ZDHHC23: variants seen among roughly 807,000 people sequenced by gnomAD.
ZDHHC23 encodes the protein palmitoyltransferase ZDHHC23.
In ZDHHC23, 41 loss-of-function variants were observed where a neutral mutation model predicts 40.2. That is an observed-to-expected ratio of 1.02 (90% confidence interval 0.79 to 1.32). ZDHHC23 has a LOEUF of 1.32. ZDHHC23 is among the 40% of genes most tolerant of loss of function. ZDHHC23 has a pLI of 0.00. For missense variants in ZDHHC23, 471 were observed against 541.5 expected (o/e 0.87, Z 1.29); for synonymous variants, 204 against 210.2 (o/e 0.97, Z 0.26).
intron 4 of ZDHHC23, among the ~76,000 whole-genome samples, chr3:113,957,016 ACTTT>A (rs1334397612): frequency 1.3e-5 from 2 of 151,600 alleles, no homozygotes; most frequent in Non-Finnish European, 2.9e-5. Context: ...TTCCTGTTCT[ACTTT>A]CTTTCTTTTT....
chr3:113,971,466 G>A, the ZDHHC23 span, among the ~76,000 whole-genome samples: 1 of 152,146 alleles, frequency 6.6e-6, no homozygotes, highest in Admixed American at 6.6e-5. Flanking sequence ...TTCTGTTAAT[G>A]TGATGTATCA....
the ZDHHC23 span, chr3:113,978,742 T>G: frequency 3.7e-6 from 4 of 1,068,092 alleles, no homozygotes; most frequent in African/African-American, 6.4e-5. Context: ...TGGGATTGAC[T>G]ACTCTTTTGT....
In ZDHHC23 at chr3:113,948,963, G is replaced by A. The variant is rs752767557; in HGVS notation, c.161G>A (p.Arg54Gln). Reference protein sequence around the residue: ...DCQDLDEGCDRWITCKSLQPE... With the variant: ...DCQDLDEGCDQWITCKSLQPE... ...CAAGATCTGGATGAAGGGTGTGATC[G>A]GTAAGAACAGAGCATTTCTTGACGC... The change falls in exon 2 of 5, where the codon CGA becomes CAA. Residue 54 changes from arginine (R) to glutamine (Q), a missense_variant and splice_region_variant. By Grantham distance (43) the Arg-to-Gln change is conservative. Transcript: ENST00000638807. 49 of 1,613,932 alleles carry A rather than the reference G, an allele frequency of 3.0e-5. No individual in the cohort carries two copies. In the South Asian group the frequency reaches 4.7e-4, roughly 16 times the overall value.
chr3:113,973,181 T>G, the ZDHHC23 span, among the ~76,000 whole-genome samples: 1 of 152,332 alleles, frequency 6.6e-6, no homozygotes, highest in African/African-American at 2.4e-5. Context: ...GTAGTATGTT[T>G]TAATTTCTTG....
chr3:113,959,458 G>C lies in ZDHHC23; in HGVS notation c.*828G>C. On this transcript the variant is annotated 3_prime_UTR_variant, in exon 5 of 5. Coordinates refer to ENST00000638807, the MANE Select transcript of ZDHHC23 (RefSeq NM_001320466.2). The stretch of plus-strand genomic sequence containing the variant: ...TATTTATATTTTATAAATTCTGCTT[G>C]GGTTTCTTATAAATAACTCCAACAG... 1.6e-6 allele frequency: 2 copies of C among 1,255,780 alleles called. 1 individual carries two copies. The highest frequency in any genetic ancestry group is 2.6e-5 in the South Asian group (2 of 78,174). 77.8% of individuals were successfully genotyped at this position (1,255,780 alleles called of 1,614,324 possible).
At position 113,948,948 on chromosome 3, in the gene ZDHHC23, A is replaced by G. The variant is rs1249710155; in HGVS notation, c.146A>G (p.Asp49Gly). The G allele has an allele frequency of 6.2e-7, 1 of 1,614,208 alleles. No individual in the cohort carries two copies. The highest frequency in any genetic ancestry group is 2.2e-5 in the East Asian group (1 of 44,892). Residue 49 changes from aspartate to glycine, a missense_variant, in exon 2 of 5, where the codon GAT becomes GGT. Physicochemically the swap from Asp to Gly is moderately conservative, Grantham distance 94 (BLOSUM62 -1). Coordinates refer to ENST00000638807, the MANE Select transcript of ZDHHC23 (RefSeq NM_001320466.2). Reference sequence around the variant, plus strand: ...TGTTTGTGTGATTGTCAAGATCTGGATGAAGGGTGTGATCGGTAAGAACAG... The same window carrying G: ...TGTTTGTGTGATTGTCAAGATCTGGGTGAAGGGTGTGATCGGTAAGAACAG... ...ATCLCDCQDL[D>G]EGCDRWITCK...
At chr3:113,964,620 C>T (rs2107534706), downstream of ZDHHC23, 1 of 152,362 alleles carries the variant, frequency 6.6e-6, no homozygotes, top group East Asian at 1.9e-4. Flanking sequence ...GGATAAGCTG[C>T]TGTCCTCTGC....
downstream of ZDHHC23, among the ~76,000 whole-genome samples, chr3:113,966,416 CAG>C (rs137978413): frequency 5.7e-3 from 875 of 152,180 alleles, 3 homozygotes; most frequent in African/African-American, 0.02. Flanking sequence ...AACAGGTGAC[CAG>C]AGTTTCCATA....
At chr3:113,976,469 GA>G in the ZDHHC23 span, among the ~76,000 whole-genome samples, 1 of 151,966 alleles carries the variant, frequency 6.6e-6, no homozygotes, top group African/African-American at 2.4e-5. Flanking sequence ...CTGAAAAATG[GA>G]AATAATGACA....
downstream of ZDHHC23, chr3:113,964,372 A>G (rs1156298634): frequency 6.6e-6 from 1 of 152,230 alleles, no homozygotes; most frequent in Non-Finnish European, 1.5e-5. Context: ...ATAGCATCTT[A>G]AAGATGAAAA....
At chr3:113,956,967 C>T (rs1279812624) in intron 4 of ZDHHC23, among the ~76,000 whole-genome samples, 2 of 152,248 alleles carry the variant, frequency 1.3e-5, no homozygotes, top group Non-Finnish European at 2.9e-5. Context: ...TGCTCGACAT[C>T]TCTATAACCT....
chr3:113,957,830 G>T, intron 4 of ZDHHC23: 1 of 518,776 alleles, frequency 1.9e-6, no homozygotes, highest in Non-Finnish European at 3.8e-6. Context: ...AATTTGGAAT[G>T]TCTCGGTGTT....
chr3:113,976,029 G>A, the ZDHHC23 span, among the ~76,000 whole-genome samples: 8 of 152,134 alleles, frequency 5.3e-5, no homozygotes, highest in Non-Finnish European at 1.0e-4. Context: ...AGGCCGAGGT[G>A]GGCAGATTCC....
chr3:113,949,006 T>G, intron 2 of ZDHHC23, 43 bp downstream of exon 2: 1 of 1,610,672 alleles, frequency 6.2e-7, no homozygotes, highest in East Asian at 2.2e-5. Context: ...ATCACCCTTC[T>G]GAGAACTGCC....
In ZDHHC23 at chr3:113,949,780, C is replaced by G. The variant is rs570761426; in HGVS notation, c.161+817C>G. Among the ~76,000 whole-genome samples, 15 of 152,304 alleles carry G rather than the reference C, an allele frequency of 9.8e-5. No homozygotes were observed. In the East Asian group the frequency reaches 2.9e-3, roughly 29 times the overall value. On this transcript the variant is annotated intron_variant, in intron 2 of 4. Coordinates refer to ENST00000638807, the MANE Select transcript of ZDHHC23 (RefSeq NM_001320466.2). ...CAACTGCCAATTTGTTGACTTAGAACTTGATACATTAATACAGCCATGAAA... is the reference window on the plus strand; with the variant it reads ...CAACTGCCAATTTGTTGACTTAGAAGTTGATACATTAATACAGCCATGAAA...
chr3:113,977,997 T>TAAAG, the ZDHHC23 span, among the ~76,000 whole-genome samples: 3 of 152,266 alleles, frequency 2.0e-5, no homozygotes, highest in Non-Finnish European at 4.4e-5. Context: ...CTTCTCTTTT[T>TAAAG]AAAGATGGAA....
chr3:113,969,543 G>A (rs1202046010), downstream of ZDHHC23, among the ~76,000 whole-genome samples: 1 of 152,148 alleles, frequency 6.6e-6, no homozygotes, highest in Non-Finnish European at 1.5e-5. Flanking sequence ...AGAGAAAGGG[G>A]TCTCATTTCA....
In ZDHHC23 at chr3:113,960,479, T is replaced by A; in HGVS notation, c.*1849T>A. The A allele has an allele frequency of 1.4e-6, 2 of 1,397,034 alleles. No homozygotes were observed. Among genetic ancestry groups the A allele is most frequent in the Non-Finnish European group, 1.8e-6 (2 of 1,083,288 alleles). 86.5% of individuals were successfully genotyped at this position (1,397,034 alleles called of 1,614,324 possible). A position where few individuals can be genotyped will look rare whatever the true frequency, so the allele number is the denominator to read the frequency against. On this transcript the variant is annotated 3_prime_UTR_variant, in exon 5 of 5. Coordinates refer to ENST00000638807, the MANE Select transcript of ZDHHC23 (RefSeq NM_001320466.2). Reference sequence around the variant, plus strand: ...GACAGTAATAATGTCAAGGATAGCCTGTGTGGGCAGAAATTGGTAGTCGTG... The same window carrying A: ...GACAGTAATAATGTCAAGGATAGCCAGTGTGGGCAGAAATTGGTAGTCGTG...
chr3:113,976,520 G>C, the ZDHHC23 span, among the ~76,000 whole-genome samples: 3 of 152,022 alleles, frequency 2.0e-5, no homozygotes, highest in South Asian at 4.2e-4. Context: ...CAGATGAGAT[G>C]GTTTGTGCAA....
Sources: gnomAD v4.1 joint callset for allele counts (sites outside exome capture counted in the v4.1 genomes callset) on GRCh38, gnomAD v4.1.1 for gene constraint, MANE v1.5 for transcripts, NCBI Gene and HGNC (gene_info 2026-07-23, HGNC 2026-07-21) for gene names.